The following ZRANB3 variants were observed in gnomAD, a reference collection of about 807,000 sequenced individuals.
ZRANB3 encodes zinc finger RANBP2-type containing 3.
ZRANB3 carries 125 observed loss-of-function variants against 133.8 expected under a neutral mutation model. The ratio of observed to expected loss-of-function variants is 0.93; its 90% confidence interval spans 0.81 to 1.08. The LOEUF (loss-of-function observed/expected upper bound fraction) is 1.08. Among genes scored for constraint, ZRANB3 ranks in the 50% least tolerant of loss-of-function variants. The probability of loss-of-function intolerance (pLI) is 0.00; values close to 1 mark genes in which losing one functional copy is unlikely to be tolerated. For synonymous variants in ZRANB3, 387 were observed against 432.7 expected, an observed-to-expected ratio of 0.89 and a Z score of 1.31; for missense variants, 1,229 against 1,275.5, an observed-to-expected ratio of 0.96 and a Z score of 0.56.
In ZRANB3 at chr2:135,296,805, G is replaced by C. The variant is rs777852705; in HGVS notation, c.966+16684C>G. Among the ~76,000 whole-genome samples the C allele has an allele frequency of 2.1e-4, 32 of 152,248 alleles. No individual in the cohort carries two copies. In the East Asian group the frequency reaches 5.0e-3, roughly 24 times the overall value. On this transcript the variant is annotated intron_variant, in intron 8 of 20. Coordinates refer to ENST00000264159, the MANE Select transcript of ZRANB3 (RefSeq NM_032143.4). ...AGTTTTCCTTCTAACAGTCAGGACC[G>C]TCAGCTGCAGGTCTGTTGGAGATTG...
rs542834452 is a variant in ZRANB3, at chr2:135,313,518, G to A, written c.937C>T (p.Arg313Cys). The change falls in exon 8 of 21, where the codon CGC becomes TGC. Residue 313 changes from arginine (R) to cysteine (C), a missense_variant. Arg to Cys is a radical substitution (Grantham distance 180, BLOSUM62 -3). Transcript: ENST00000264159. ...AMETVMGLIT[R>C]MFKQTAIAKA... ...GCAATAGCAGTTTGTTTAAACATGC[G>A]AGTTATCAACCCCATGACTGTCTCC... 98 of 1,613,074 alleles carry A rather than the reference G, an allele frequency of 6.1e-5. No individual in the cohort carries two copies. The highest frequency in any genetic ancestry group is 1.6e-4 in the Middle Eastern group (1 of 6,084).
chr2:135,259,942 A>C (rs1354737401), intron 12 of ZRANB3, among the ~76,000 whole-genome samples: 2 of 152,192 alleles, frequency 1.3e-5, no homozygotes, highest in East Asian at 3.9e-4. Flanking sequence ...AAGGAGCAAA[A>C]GAGGAAAAGA....
intron 2 of ZRANB3, among the ~76,000 whole-genome samples, chr2:135,487,194 A>C (rs963211404): frequency 1.3e-5 from 2 of 152,174 alleles, no homozygotes; most frequent in African/African-American, 2.4e-5. Context: ...TTTTGAAAGG[A>C]ATCTTTTTTC....
chr2:135,311,442 A>C (rs748348631), intron 8 of ZRANB3, among the ~76,000 whole-genome samples: 5 of 152,158 alleles, frequency 3.3e-5, no homozygotes, highest in Non-Finnish European at 7.3e-5. Flanking sequence ...ATGACTCACC[A>C]GTTCTATTTC....
At chr2:135,462,439 C>T (rs980831884) in intron 2 of ZRANB3, among the ~76,000 whole-genome samples, 1 of 152,138 alleles carries the variant, frequency 6.6e-6, no homozygotes, top group African/African-American at 2.4e-5. Context: ...CAAATGTAGC[C>T]TATTCTCAGG....
At chr2:135,309,331 T>C (rs549682427) in intron 8 of ZRANB3, among the ~76,000 whole-genome samples, 6 of 152,234 alleles carry the variant, frequency 3.9e-5, no homozygotes, top group South Asian at 2.1e-4. Context: ...CCCCCTAAGA[T>C]TGGCTACAAG....
Position 135,200,321 on chromosome 2 carries a change from T to C in ZRANB3, c.*21A>G. 6.5e-7 allele frequency: 1 copy of C among 1,545,284 alleles called. No homozygotes were observed. Among genetic ancestry groups the C allele is most frequent in the Non-Finnish European group, 8.8e-7 (1 of 1,134,810 alleles). On this transcript the variant is annotated 3_prime_UTR_variant, in exon 21 of 21. Transcript: ENST00000264159. ...CTTCCACATGTAAACCATTTGTCATTCATTCATATATTTTTCTACTTTACT... is the reference window on the plus strand; with the variant it reads ...CTTCCACATGTAAACCATTTGTCATCCATTCATATATTTTTCTACTTTACT...
At chr2:135,348,129 T>TG (rs1685029936) in intron 5 of ZRANB3, among the ~76,000 whole-genome samples, 1 of 151,950 alleles carries the variant, frequency 6.6e-6, no homozygotes, top group Admixed American at 6.6e-5. Flanking sequence ...TGTGGTGGCA[T>TG]GCGCCTGCAA....
intron 6 of ZRANB3, among the ~76,000 whole-genome samples, chr2:135,338,967 G>C (rs747206185): frequency 5.9e-5 from 9 of 152,270 alleles, no homozygotes; most frequent in Non-Finnish European, 1.2e-4. Context: ...GGTAGGTATA[G>C]TGAAATTTCT....
At chr2:135,498,267 C>A (rs113481496) in intron 2 of ZRANB3, among the ~76,000 whole-genome samples, 1 of 151,870 alleles carries the variant, frequency 6.6e-6, no homozygotes, top group South Asian at 2.1e-4. Context: ...ATGGAGGGAC[C>A]GGCTGAAGCC....
intron 15 of ZRANB3, among the ~76,000 whole-genome samples, chr2:135,223,581 G>A (rs1053029727): frequency 1.3e-5 from 2 of 152,020 alleles, no homozygotes; most frequent in African/African-American, 4.8e-5. Context: ...ACCCACCTTG[G>A]CCTCTCCAAG....
At chr2:135,481,929 T>A (rs934056662) in intron 2 of ZRANB3, among the ~76,000 whole-genome samples, 4 of 140,930 alleles carry the variant, frequency 2.8e-5, no homozygotes, top group Non-Finnish European at 6.0e-5. Flanking sequence ...TAGTTGTAGA[T>A]ATGCGGCGTT....
chr2:135,425,816 T>C (rs1030999077), intron 2 of ZRANB3, among the ~76,000 whole-genome samples: 1 of 151,282 alleles, frequency 6.6e-6, no homozygotes, highest in African/African-American at 2.4e-5. Flanking sequence ...ACCCCAAGGA[T>C]AGCAGAAGAC....
At chr2:135,229,436 C>T (rs1361827406) in intron 13 of ZRANB3, among the ~76,000 whole-genome samples, 5 of 149,564 alleles carry the variant, frequency 3.3e-5, no homozygotes, top group East Asian at 3.9e-4. Flanking sequence ...GGCGCGATCT[C>T]GGCTCACTGC....
chr2:135,382,602 T>G (rs1016809647), intron 3 of ZRANB3, among the ~76,000 whole-genome samples: 1 of 152,186 alleles, frequency 6.6e-6, no homozygotes, highest in Non-Finnish European at 1.5e-5. Context: ...AAGGTGGGGT[T>G]ACCCACAAAG....
intron 3 of ZRANB3, among the ~76,000 whole-genome samples, chr2:135,387,935 T>C (rs1279303923): frequency 6.6e-6 from 1 of 152,178 alleles, no homozygotes; most frequent in African/African-American, 2.4e-5. Context: ...CTCTGCATAC[T>C]CGTTAACTGA....
At chr2:135,342,239 C>G (rs568885623) in intron 6 of ZRANB3, among the ~76,000 whole-genome samples, 17 of 149,792 alleles carry the variant, frequency 1.1e-4, no homozygotes, top group African/African-American at 4.1e-4. Flanking sequence ...AGAAAAGAAC[C>G]TACATTGAAA....
chr2:135,530,613 C>T (rs1367040681), intron 1 of ZRANB3: 1 of 152,194 alleles, frequency 6.6e-6, no homozygotes, highest in Admixed American at 6.5e-5. Flanking sequence ...AACGGGACAA[C>T]GTGAAAGTAG....
chr2:135,522,840 T>TTG (rs1473756307), intron 1 of ZRANB3, among the ~76,000 whole-genome samples: 2 of 152,192 alleles, frequency 1.3e-5, no homozygotes, highest in Non-Finnish European at 2.9e-5. Context: ...TGCTAAGAGT[T>TTG]TGGACTTTTT....
Sources: gnomAD v4.1 joint callset for allele counts (sites outside exome capture counted in the v4.1 genomes callset) on GRCh38, gnomAD v4.1.1 for gene constraint, MANE v1.5 for transcripts, NCBI Gene and HGNC (gene_info 2026-07-23, HGNC 2026-07-21) for gene names.